RNF215: variants seen among roughly 807,000 people sequenced by gnomAD.
RNF215 encodes ring finger protein 215.
In RNF215, 41 loss-of-function variants were observed where a neutral mutation model predicts 44.8. That is an observed-to-expected ratio of 0.92 (90% CI 0.71 to 1.19). The LOEUF (loss-of-function observed/expected upper bound fraction) is 1.19, where lower values mean the gene tolerates loss of function less well. Ranked by LOEUF, RNF215 falls within the 50% of genes most tolerant of loss-of-function variation. The pLI is 0.00. For missense variants in RNF215, 452 were observed against 496.2 expected, an observed-to-expected ratio of 0.91 and a Z score of 0.85; for synonymous variants, 218 against 230.1, an observed-to-expected ratio of 0.95 and a Z score of 0.48.
At position 30,380,558 on chromosome 22, in the gene RNF215, TC is replaced by T. The variant is rs1933516268; in HGVS notation, c.745-158del. Among the ~76,000 whole-genome samples, 1 of 152,026 alleles carries T rather than the reference TC, an allele frequency of 6.6e-6. No individual in the cohort carries two copies. The highest frequency in any genetic ancestry group is 1.5e-5 in the Non-Finnish European group (1 of 67,980). ...AGCTTCCTCTTCTGAAGGCTCCGTCTCTTCCATTGTGTGCTTCTCAGGATCA... is the reference window on the plus strand; with the variant it reads ...AGCTTCCTCTTCTGAAGGCTCCGTCTTTCCATTGTGTGCTTCTCAGGATCA... On this transcript the variant is annotated intron_variant, in intron 5 of 8. Coordinates refer to ENST00000382363, the MANE Select transcript of RNF215 (RefSeq NM_001017981.2). This position sits in a 1 kb window ranked among gnomAD's most constrained non-coding sequence, Gnocchi z 5.3.
chr22:30,384,397 T>A lies in RNF215; in HGVS notation c.686A>T (p.Asp229Val). 6.2e-7 allele frequency: 1 copy of A among 1,614,018 alleles called. No individual in the cohort carries two copies. The highest frequency in any genetic ancestry group is 8.5e-7 in the Non-Finnish European group (1 of 1,179,956). Reference protein sequence around the residue: ...TLWTTCGLSKDGYGGWQDLVC... With the variant: ...TLWTTCGLSKVGYGGWQDLVC... ...CAAGTCCTGCCATCCTCCATAGCCA[T>A]CCTTGGAGAGGCCACAGGTGGTCCA... The change falls in exon 5 of 9, where the codon GAT becomes GTT. Residue 229 changes from aspartate (D) to valine (V), a missense_variant. Coordinates refer to ENST00000382363, the MANE Select transcript of RNF215 (RefSeq NM_001017981.2).
rs41282473 is a variant in RNF215 at position 30,384,609 on chromosome 22, C to T, written c.588-114G>A. 4.7e-3 allele frequency: 4,322 copies of T among 918,258 alleles called. 13 individuals carry two copies. Among genetic ancestry groups the T allele is most frequent in the Non-Finnish European group, 6.4e-3 (3,943 of 615,178 alleles). The allele number at this position is 918,258 out of a possible 1,614,324, so 56.9% of individuals were successfully genotyped here. A position where few individuals can be genotyped will look rare whatever the true frequency, so the allele number is the denominator to read the frequency against. On this transcript the variant is annotated intron_variant, in intron 4 of 8. Coordinates refer to ENST00000382363, the MANE Select transcript of RNF215 (RefSeq NM_001017981.2). ...ACCTACGACTGTCGCCCCTGCTGGC[C>T]TTACACTTTGCCCCAGGCCTTTTCC...
At chr22:30,386,296 C>A (rs1933599092) in intron 2 of RNF215, among the ~76,000 whole-genome samples, 155 bp from the exon 3 acceptor site, 1 of 152,176 alleles carries the variant, frequency 6.6e-6, no homozygotes, top group South Asian at 2.1e-4. Flanking sequence ...GTGGAAACTG[C>A]TTTCTTCCTC....
Position 30,385,162 on chromosome 22 carries a change from C to T in RNF215, c.588-667G>A, listed in dbSNP as rs1355783532. Among the ~76,000 whole-genome samples, 11 of 152,140 alleles carry T rather than the reference C, an allele frequency of 7.2e-5. No individual in the cohort carries two copies. The South Asian group carries it at 1.0e-3, about 14-fold the overall frequency. On this transcript the variant is annotated intron_variant, in intron 4 of 8. Coordinates refer to ENST00000382363, the MANE Select transcript of RNF215 (RefSeq NM_001017981.2). ...GTTGGCTGGGTACGGTGGCTCACAC[C>T]TGTAATCCCAGCACTTTGGGAGGCC...
chr22:30,380,450 T>TC lies in RNF215; in HGVS notation c.745-50dup. ...GGACATGGGGCCACCCCCACACGCC[T>TC]CCCTTAGGAACATCTACCCCCAGGA... On this transcript the variant is annotated intron_variant, in intron 5 of 8. Transcript: ENST00000382363. This position sits in a 1 kb window ranked among gnomAD's most constrained non-coding sequence, Gnocchi z 5.3. 2 of 1,547,792 alleles carry TC rather than the reference T, an allele frequency of 1.3e-6. No homozygotes were observed. Among genetic ancestry groups the TC allele is most frequent in the Non-Finnish European group, 1.7e-6 (2 of 1,146,244 alleles).
chr22:30,379,928 C>G (rs1933500602), intron 7 of RNF215, 115 bp from the exon 8 acceptor site: 10 of 1,521,566 alleles, frequency 6.6e-6, no homozygotes, highest in Non-Finnish European at 9.0e-6. Flanking sequence ...GCTTCCCCCA[C>G]CCCCCTGAAA....
intron 4 of RNF215, 119 bp downstream of exon 4, chr22:30,385,785 C>CAA (rs76749047): frequency 9.4e-4 from 662 of 705,472 alleles, no homozygotes; most frequent in Non-Finnish European, 1.1e-3. Flanking sequence ...TACTCCATCT[C>CAA]AAAAAAAAAA....
In RNF215 at chr22:30,380,673, GT is replaced by G. The variant is rs1933518219; in HGVS notation, c.745-273del. ...GGGCTCTCTGGGCAACAAACCTGAT[GT>G]TTTGCATACACAGAAGCTTCTATCT... is the stretch of plus-strand genomic sequence containing the variant. On this transcript the variant is annotated intron_variant, in intron 5 of 8. Transcript: ENST00000382363. This position sits in a 1 kb window ranked among gnomAD's most constrained non-coding sequence, Gnocchi z 5.3. 6.6e-6 allele frequency among the ~76,000 whole-genome samples: 1 copy of G among 152,110 alleles called. No homozygotes were observed. Among genetic ancestry groups the G allele is most frequent in the African/African-American group, 2.4e-5 (1 of 41,392 alleles).
rs765033240 is a variant in RNF215, at chr22:30,379,787, G to C, written c.1035C>G (p.His345Gln). ...GGTCCACACAGTCTCGGTGAAACTC[G>C]TGCTTACAGGGCAGCACCCGGAGCC... ...KQWLRVLPCK[H>Q]EFHRDCVDPW... The change falls in exon 8 of 9, where the codon CAC becomes CAG. Residue 345 changes from histidine (H) to glutamine (Q), a missense_variant. Coordinates refer to ENST00000382363, the MANE Select transcript of RNF215 (RefSeq NM_001017981.2). The C allele has an allele frequency of 6.4e-7, 1 of 1,570,408 alleles. No homozygotes were observed. Among genetic ancestry groups the C allele is most frequent in the South Asian group, 1.2e-5 (1 of 85,802 alleles).
chr22:30,387,234 A>AGCGGCAGCAGGG lies in RNF215; in HGVS notation c.79_80insCCCTGCTGCCGC (p.Leu26_Leu27insProLeuLeuPro). 2.2e-6 allele frequency: 2 copies of AGCGGCAGCAGGG among 896,798 alleles called. No homozygotes were observed. The highest frequency in any genetic ancestry group is 9.2e-5 in the East Asian group (1 of 10,870). The allele number at this position is 896,798 out of a possible 1,614,324, so 55.6% of individuals were successfully genotyped here. A position where few individuals can be genotyped will look rare whatever the true frequency, so the allele number is the denominator to read the frequency against. ...GCCCAGCCACAGCGGCAGCAGGGGC[A>AGCGGCAGCAGGG]GCAGCAGCAGCAGCGGAGACGGAGG... On this transcript the variant is annotated inframe_insertion, in exon 1 of 9. Transcript: ENST00000382363.
At chr22:30,386,528 T>C (rs1933602052) in intron 2 of RNF215, 88 bp downstream of exon 2, 1 of 1,502,150 alleles carries the variant, frequency 6.7e-7, no homozygotes, top group Non-Finnish European at 8.9e-7. Flanking sequence ...CTGCAAGCTC[T>C]TAAGGGCCCA....
In RNF215 at chr22:30,387,200, C is replaced by A; in HGVS notation, c.114G>T (p.Gly38=). The A allele has an allele frequency of 9.8e-7, 1 of 1,020,102 alleles. No homozygotes were observed. The highest frequency in any genetic ancestry group is 5.6e-5 in the Admixed American group (1 of 17,872). The allele number at this position is 1,020,102 out of a possible 1,614,324, so 63.2% of individuals were successfully genotyped here. ...CGCTGCCGTCCGCCGCGGCCCCGGG[C>A]CCCGCCAGGCCCAGCCACAGCGGCA... is the stretch of plus-strand genomic sequence containing the variant. ...PLLPLWLGLA[G]PGAAADGSEP... is the part of the protein sequence containing the mutation. The change falls in exon 1 of 9, where the codon GGG becomes GGT. Residue 38 remains glycine (G), a synonymous_variant. Transcript: ENST00000382363.
chr22:30,385,984 G>GT lies in RNF215; in HGVS notation c.506dup (p.Asp169GlufsTer35), dbSNP rs1933592956. The stretch of plus-strand genomic sequence containing the variant: ...CTGGCCTGAGCAGAAGCTGGGATAT[G>GT]TCCAGCTGCAGGGAGACAAGGAGGT... On this transcript the variant is annotated frameshift_variant, in exon 4 of 9. Transcript: ENST00000382363. LOFTEE classifies it high-confidence loss of function. 3 of 1,613,976 alleles carry GT rather than the reference G, an allele frequency of 1.9e-6. No homozygotes were observed. The highest frequency in any genetic ancestry group is 1.7e-5 in the Admixed American group (1 of 60,004).
rs147894583 is a variant in RNF215 at position 30,380,817 on chromosome 22, G to A, written c.745-416C>T. Among the ~76,000 whole-genome samples the A allele has an allele frequency of 1.6e-4, 24 of 152,204 alleles. No individual in the cohort carries two copies. Among genetic ancestry groups the A allele is most frequent in the Admixed American group, 3.3e-4 (5 of 15,286 alleles). On this transcript the variant is annotated intron_variant, in intron 5 of 8. Transcript: ENST00000382363. The surrounding 1 kb of genome is among the most constrained non-coding windows in gnomAD (Gnocchi z 5.3). ...CTCCTGGTCGGCTTTCTCAGGCCCTGCCATCAGCCACTCACCCATCCAGCC... is the reference window on the plus strand; with the variant it reads ...CTCCTGGTCGGCTTTCTCAGGCCCTACCATCAGCCACTCACCCATCCAGCC...
chr22:30,381,975 G>A (rs1048641807), intron 5 of RNF215, among the ~76,000 whole-genome samples: 1 of 152,248 alleles, frequency 6.6e-6, no homozygotes, highest in Non-Finnish European at 1.5e-5. Context: ...GTGACAGCAT[G>A]TCTCTGGCCT....
intron 5 of RNF215, among the ~76,000 whole-genome samples, chr22:30,383,115 A>G (rs1166087448): frequency 6.6e-6 from 1 of 152,120 alleles, no homozygotes; most frequent in Non-Finnish European, 1.5e-5. Flanking sequence ...CTGGACTCCC[A>G]GAGGCTGGAG....
intron 5 of RNF215, 126 bp downstream of exon 5, chr22:30,384,213 G>A (rs1001552393): frequency 7.6e-6 from 8 of 1,046,082 alleles, no homozygotes; most frequent in Admixed American, 4.5e-5. Context: ...CAGCACTCCT[G>A]TGGGGTGGGA....
chr22:30,386,567 C>T (rs1303368298), intron 2 of RNF215, 49 bp downstream of exon 2: 2 of 1,577,478 alleles, frequency 1.3e-6, no homozygotes, highest in African/African-American at 2.7e-5. Context: ...CTAGCAGATG[C>T]CTTGGAATCC....
At position 30,385,990 on chromosome 22, in the gene RNF215, C is replaced by T; in HGVS notation, c.502-1G>A. ...TGAGCAGAAGCTGGGATATGTCCAGCTGCAGGGAGACAAGGAGGTCAGCAG... is the reference window on the plus strand; with the variant it reads ...TGAGCAGAAGCTGGGATATGTCCAGTTGCAGGGAGACAAGGAGGTCAGCAG... On this transcript the variant is annotated splice_acceptor_variant, in intron 3 of 8. Coordinates refer to ENST00000382363, the MANE Select transcript of RNF215 (RefSeq NM_001017981.2). LOFTEE classifies it high-confidence loss of function. 3 of 1,614,142 alleles carry T rather than the reference C, an allele frequency of 1.9e-6. No individual in the cohort carries two copies. In the South Asian group the frequency reaches 3.3e-5, roughly 18 times the overall value.
Sources: gnomAD v4.1 joint callset for allele counts (sites outside exome capture counted in the v4.1 genomes callset) on GRCh38, gnomAD v4.1.1 for gene constraint, Gnocchi (gnomAD v3.1) non-coding constraint, MANE v1.5 for transcripts, NCBI Gene and HGNC (gene_info 2026-07-23, HGNC 2026-07-21) for gene names.